The following WDR97 variants were observed in gnomAD, a reference collection of about 807,000 sequenced individuals.
WDR97 encodes the protein WD repeat domain 97.
Under a neutral mutation model 65.4 loss-of-function variants are expected in WDR97, and 111 were observed. The ratio of observed to expected loss-of-function variants is 1.70; its 90% CI spans 1.45 to 1.99. The LOEUF is 1.99. WDR97 is among the 30% of genes most tolerant of loss of function. WDR97 has a pLI of 0.00. For synonymous variants in WDR97, 802 were observed against 397.7 expected (o/e 2.02, Z -12.10); for missense variants, 1,674 against 865.0 (o/e 1.94, Z -11.73).
At position 144,111,003 on chromosome 8, in the gene WDR97, G is replaced by C; in HGVS notation, c.2304+7G>C. ...TACATCCTACCTAGTTAAGGTGTGTGGTGAGGACAGAGTGAGCAAGGTGGG... is the reference window on the plus strand; with the variant it reads ...TACATCCTACCTAGTTAAGGTGTGTCGTGAGGACAGAGTGAGCAAGGTGGG... On this transcript the variant is annotated splice_region_variant and intron_variant, in intron 9 of 23. Coordinates refer to ENST00000323662, the MANE Select transcript of WDR97 (RefSeq NM_001316309.2). 1.4e-6 allele frequency: 1 copy of C among 702,780 alleles called. No homozygotes were observed. Among genetic ancestry groups the C allele is most frequent in the Non-Finnish European group, 2.6e-6 (1 of 384,972 alleles). 43.5% of individuals were successfully genotyped at this position (702,780 alleles called of 1,614,324 possible).
At position 144,112,541 on chromosome 8, in the gene WDR97, C is replaced by G; in HGVS notation, c.3105+11C>G. The G allele has an allele frequency of 1.4e-6, 1 of 702,660 alleles. No individual in the cohort carries two copies. Among genetic ancestry groups the G allele is most frequent in the Non-Finnish European group, 2.6e-6 (1 of 384,904 alleles). 43.5% of individuals were successfully genotyped at this position (702,660 alleles called of 1,614,324 possible). A position where few individuals can be genotyped will look rare whatever the true frequency, so the allele number is the denominator to read the frequency against. On this transcript the variant is annotated intron_variant, in intron 15 of 23. Coordinates refer to ENST00000323662, the MANE Select transcript of WDR97 (RefSeq NM_001316309.2). ...GTGCAGCCCCACAAGGTGAGACCCC[C>G]TCCCAGCTCCTGGAGAGCCACTCCT...
rs543856054 is a variant in WDR97, at chr8:144,116,560, G to A, written c.*267G>A. ...GCCTAGGGCAGAGGAGACCCATAGC[G>A]GGGTACCATCCGCTGGGCACTGAGC... On this transcript the variant is annotated 3_prime_UTR_variant, in exon 24 of 24. Transcript: ENST00000323662. 1 of 415,830 alleles carries A rather than the reference G, an allele frequency of 2.4e-6. No individual in the cohort carries two copies. Among genetic ancestry groups the A allele is most frequent in the Non-Finnish European group, 4.3e-6 (1 of 234,904 alleles). The allele number at this position is 415,830 out of a possible 1,614,324, so 25.8% of individuals were successfully genotyped here. A position where few individuals can be genotyped will look rare whatever the true frequency, so the allele number is the denominator to read the frequency against.
intron 21 of WDR97, 108 bp from the exon 22 acceptor site, chr8:144,115,233 T>C: frequency 1.8e-6 from 1 of 568,684 alleles, no homozygotes; most frequent in Non-Finnish European, 3.1e-6. Flanking sequence ...TGCTTGGCCA[T>C]GGGTCACCTC....
intron 23 of WDR97, 28 bp downstream of exon 23, chr8:144,116,041 A>AGCCCCCCCCCCCCCCCCCCCCCCC: frequency 1.5e-6 from 1 of 689,610 alleles, no homozygotes; most frequent in Non-Finnish European, 2.6e-6. Flanking sequence ...TGGAGACTGG[A>AGCCCCCCCCCCCCCCCCCCCCCCC]CCCCACCCAC....
rs921469299 is a variant in WDR97 at position 144,108,543 on chromosome 8, G to A, written c.477G>A (p.Pro159=). 6 of 700,852 alleles carry A rather than the reference G, an allele frequency of 8.6e-6. No homozygotes were observed. Among genetic ancestry groups the A allele is most frequent in the East Asian group, 8.0e-5 (3 of 37,280 alleles). 43.4% of individuals were successfully genotyped at this position (700,852 alleles called of 1,614,324 possible). The part of the protein sequence containing the change: ...RLTGLVTVLG[P]LGAVGRFVGW... ...CGGGGCTGGTGACCGTGCTGGGCCCGCTGGGTGCCGTGGGCCGTTTTGTAG... is the reference window on the plus strand; with the variant it reads ...CGGGGCTGGTGACCGTGCTGGGCCCACTGGGTGCCGTGGGCCGTTTTGTAG... The change falls in exon 3 of 24, where the codon CCG becomes CCA. Residue 159 remains proline, a synonymous_variant. Coordinates refer to ENST00000323662, the MANE Select transcript of WDR97 (RefSeq NM_001316309.2).
At position 144,108,246 on chromosome 8, in the gene WDR97, T is replaced by C; in HGVS notation, c.249+51T>C. 4.3e-6 allele frequency: 3 copies of C among 695,370 alleles called. No homozygotes were observed. The South Asian group carries it at 4.5e-5, about 10-fold the overall frequency. The allele number at this position is 695,370 out of a possible 1,614,324, so 43.1% of individuals were successfully genotyped here. A position where few individuals can be genotyped will look rare whatever the true frequency, so the allele number is the denominator to read the frequency against. ...CTGGCCTCTTTCCGGATCTGGGCCTTCCCTTAGGGGTCCCCTAGGCCGGAG... is the reference window on the plus strand; with the variant it reads ...CTGGCCTCTTTCCGGATCTGGGCCTCCCCTTAGGGGTCCCCTAGGCCGGAG... On this transcript the variant is annotated intron_variant, in intron 2 of 23. Transcript: ENST00000323662.
intron 1 of WDR97, 23 bp from the exon 2 acceptor site, chr8:144,108,036 G>C: frequency 1.4e-6 from 1 of 702,700 alleles, no homozygotes. Context: ...GTAGGTGGCA[G>C]AACTTCCAGT....
chr8:144,109,350 T>G lies in WDR97; in HGVS notation c.1016T>G (p.Met339Arg). ...CCTCCCACAGGCCCGGTGACGGCTATGACTGTGCTCCCGAACACGACCCTG... is the reference window on the plus strand; with the variant it reads ...CCTCCCACAGGCCCGGTGACGGCTAGGACTGTGCTCCCGAACACGACCCTG... ...FVGHTGPVTA[M>R]TVLPNTTLVL... is the part of the protein sequence containing the mutation. Residue 339 changes from methionine (M) to arginine (R), a missense_variant, in exon 5 of 24, where the codon ATG (methionine) becomes AGG (arginine). Transcript: ENST00000323662. The G allele has an allele frequency of 1.4e-6, 1 of 702,588 alleles. No homozygotes were observed. Among genetic ancestry groups the G allele is most frequent in the Non-Finnish European group, 2.6e-6 (1 of 384,856 alleles). The allele number at this position is 702,588 out of a possible 1,614,324, so 43.5% of individuals were successfully genotyped here. A position where few individuals can be genotyped will look rare whatever the true frequency, so the allele number is the denominator to read the frequency against.
chr8:144,107,808 T>C lies in WDR97; in HGVS notation c.58T>C (p.Tyr20His). ...CAACCTAGTTCTGGACTCGGACCTG[T>C]ATGATGCGGATGGCTATGATGTCCC... is the stretch of plus-strand genomic sequence containing the variant. ...GYNLVLDSDLYDADGYDVPDP... is the reference protein window; with the variant it reads ...GYNLVLDSDLHDADGYDVPDP... Residue 20 changes from tyrosine (Y) to histidine (H), a missense_variant, in exon 1 of 24, where the codon TAT becomes CAT. Tyr to His is a moderately conservative substitution (Grantham distance 83). Transcript: ENST00000323662. The C allele has an allele frequency of 1.4e-6, 1 of 702,852 alleles. No homozygotes were observed. The highest frequency in any genetic ancestry group is 2.3e-4 in the Middle Eastern group (1 of 4,370). The allele number at this position is 702,852 out of a possible 1,614,324, so 43.5% of individuals were successfully genotyped here. A position where few individuals can be genotyped will look rare whatever the true frequency, so the allele number is the denominator to read the frequency against.
At chr8:144,115,231 C>T in intron 21 of WDR97, 110 bp from the exon 22 acceptor site, 1 of 568,706 alleles carries the variant, frequency 1.8e-6, no homozygotes. Flanking sequence ...GGTGCTTGGC[C>T]ATGGGTCACC....
chr8:144,111,904 G>A lies in WDR97; in HGVS notation c.2655G>A (p.Arg885=). ...CCTCCCAGGGCATGCAGTCTGGAAG[G>A]GGGTCCCAGCAGTGGAGTGCCGGGA... ...GSGLLGMQSG[R]GSQQWSAGTL... is the part of the protein sequence containing the mutation. The change falls in exon 13 of 24, where the codon AGG becomes AGA. Residue 885 remains arginine (R), a synonymous_variant. Coordinates refer to ENST00000323662, the MANE Select transcript of WDR97 (RefSeq NM_001316309.2). 1 of 702,476 alleles carries A rather than the reference G, an allele frequency of 1.4e-6. No individual in the cohort carries two copies. Among genetic ancestry groups the A allele is most frequent in the Non-Finnish European group, 2.6e-6 (1 of 384,884 alleles). 43.5% of individuals were successfully genotyped at this position (702,476 alleles called of 1,614,324 possible). A position where few individuals can be genotyped will look rare whatever the true frequency, so the allele number is the denominator to read the frequency against.
rs1456543402 is a variant in WDR97 at position 144,111,186 on chromosome 8, A to C, written c.2390A>C (p.Gln797Pro). The C allele has an allele frequency of 2.8e-6, 2 of 702,590 alleles. No individual in the cohort carries two copies. Among genetic ancestry groups the C allele is most frequent in the South Asian group, 3.0e-5 (2 of 67,596 alleles). 43.5% of individuals were successfully genotyped at this position (702,590 alleles called of 1,614,324 possible). A position where few individuals can be genotyped will look rare whatever the true frequency, so the allele number is the denominator to read the frequency against. Residue 797 changes from glutamine (Q) to proline (P), a missense_variant, in exon 10 of 24, where the codon CAG (glutamine) becomes CCG (proline). Transcript: ENST00000323662. ...SQESLTSAQL[Q>P]RLTNLHGAAS... ...GAGTCACTGACTTCCGCCCAACTGC[A>C]GAGGCTCACCAACCTCCATGGGGCA...
rs1353321856 is a variant in WDR97 at position 144,115,532 on chromosome 8, ACCC to A, written c.4270_4272del (p.Pro1424del). ...AGCTCCAGGCCCAGCGGATGCTGGC[ACCC>A]AAGCGCAGCTGGGGGACCCCTCAGC... is the stretch of plus-strand genomic sequence containing the variant. On this transcript the variant is annotated inframe_deletion, in exon 22 of 24. Transcript: ENST00000323662. 1.4e-6 allele frequency: 1 copy of A among 697,204 alleles called. No individual in the cohort carries two copies. 43.2% of individuals were successfully genotyped at this position (697,204 alleles called of 1,614,324 possible).
chr8:144,115,518 C>T lies in WDR97; in HGVS notation c.4255C>T (p.Gln1419Ter). 2 of 697,314 alleles carry T rather than the reference C, an allele frequency of 2.9e-6. No individual in the cohort carries two copies. Among genetic ancestry groups the T allele is most frequent in the South Asian group, 1.5e-5 (1 of 67,284 alleles). 43.2% of individuals were successfully genotyped at this position (697,314 alleles called of 1,614,324 possible). Residue 1419 changes from glutamine to a stop codon, truncating the protein, a stop_gained, in exon 22 of 24, where the codon CAG becomes TAG. Coordinates refer to ENST00000323662, the MANE Select transcript of WDR97 (RefSeq NM_001316309.2). LOFTEE classifies it high-confidence loss of function. Reference protein sequence around the residue: ...PHSLAPELQAQRMLAPKRSWG... With the variant: ...PHSLAPELQA ...CTCTTTAGCCCCGGAGCTCCAGGCCCAGCGGATGCTGGCACCCAAGCGCAG... is the reference window on the plus strand; with the variant it reads ...CTCTTTAGCCCCGGAGCTCCAGGCCTAGCGGATGCTGGCACCCAAGCGCAG...
In WDR97 at chr8:144,112,494, CAG is replaced by C; in HGVS notation, c.3070_3071del (p.Arg1024GlyfsTer146). ...GGGACAAGGAACCTCTCTCTAGCCT[CAG>C]GGGCTTCTTTCCTGCCACCGTGCAG... is the stretch of plus-strand genomic sequence containing the variant. ...RWDKEPLSSL[R>X]GFFPATVQPH... is the part of the protein sequence containing the mutation. On this transcript the variant is annotated frameshift_variant, in exon 15 of 24. Transcript: ENST00000323662. LOFTEE classifies it high-confidence loss of function. 1.4e-6 allele frequency: 1 copy of C among 702,676 alleles called. No individual in the cohort carries two copies. Among genetic ancestry groups the C allele is most frequent in the Non-Finnish European group, 2.6e-6 (1 of 384,922 alleles). 43.5% of individuals were successfully genotyped at this position (702,676 alleles called of 1,614,324 possible).
At position 144,116,604 on chromosome 8, in the gene WDR97, T is replaced by G; in HGVS notation, c.*311T>G. ...ACTGAGCAAACGTTTTCTGCTCAAG[T>G]ACTAGGTGTTGAGATGCGGGCTGAC... On this transcript the variant is annotated 3_prime_UTR_variant, in exon 24 of 24. Transcript: ENST00000323662. 1 of 282,376 alleles carries G rather than the reference T, an allele frequency of 3.5e-6. No homozygotes were observed. The highest frequency in any genetic ancestry group is 6.6e-6 in the Non-Finnish European group (1 of 152,254). The allele number at this position is 282,376 out of a possible 1,614,324, so 17.5% of individuals were successfully genotyped here. A position where few individuals can be genotyped will look rare whatever the true frequency, so the allele number is the denominator to read the frequency against.
In WDR97 at chr8:144,109,710, C is replaced by A. The variant is rs1428888459; in HGVS notation, c.1376C>A (p.Ser459Ter). ...ACADGSVYLL[S>*]AATGRIVSSL... ...GCCGACGGCTCGGTCTACCTCCTGT[C>A]GGCGGCCACCGGGCGCATAGTGAGC... The change falls in exon 5 of 24, where the codon TCG becomes TAG. Residue 459 changes from serine (S) to a stop codon, truncating the protein, a stop_gained. Coordinates refer to ENST00000323662, the MANE Select transcript of WDR97 (RefSeq NM_001316309.2). LOFTEE classifies it high-confidence loss of function. 4.4e-6 allele frequency: 3 copies of A among 678,956 alleles called. No individual in the cohort carries two copies. Among genetic ancestry groups the A allele is most frequent in the Non-Finnish European group, 8.0e-6 (3 of 375,324 alleles). 42.1% of individuals were successfully genotyped at this position (678,956 alleles called of 1,614,324 possible). A position where few individuals can be genotyped will look rare whatever the true frequency, so the allele number is the denominator to read the frequency against.
rs1836478624 is a variant in WDR97 at position 144,108,891 on chromosome 8, C to T, written c.825C>T (p.Thr275=). The change falls in exon 3 of 24, where the codon ACC becomes ACT. Residue 275 remains threonine, a synonymous_variant. Coordinates refer to ENST00000323662, the MANE Select transcript of WDR97 (RefSeq NM_001316309.2). ...CFAAYGSAVL[T]FDLHAWTLVD... Reference sequence around the variant, plus strand: ...CGGCCTATGGCTCGGCCGTGCTCACCTTCGATCTGCATGCCTGGACTCTCG... The same window carrying T: ...CGGCCTATGGCTCGGCCGTGCTCACTTTCGATCTGCATGCCTGGACTCTCG... The T allele has an allele frequency of 2.8e-6, 2 of 702,960 alleles. No homozygotes were observed. Among genetic ancestry groups the T allele is most frequent in the East Asian group, 5.4e-5 (2 of 37,286 alleles). The allele number at this position is 702,960 out of a possible 1,614,324, so 43.5% of individuals were successfully genotyped here. A position where few individuals can be genotyped will look rare whatever the true frequency, so the allele number is the denominator to read the frequency against.
chr8:144,113,742 G>A lies in WDR97; in HGVS notation c.3269G>A (p.Gly1090Glu), dbSNP rs1299748477. ...CAGAGGAAGCTGCTCCAATGGATGG[G>A]GGAGAAGCCTGGGGAGGAGGGGGAG... ...QWQRKLLQWM[G>E]EKPGEEGEED... The change falls in exon 17 of 24, where the codon GGG becomes GAG. Residue 1090 changes from glycine to glutamate, a missense_variant. Transcript: ENST00000323662. The A allele has an allele frequency of 1.4e-6, 1 of 700,400 alleles. No homozygotes were observed. Among genetic ancestry groups the A allele is most frequent in the African/African-American group, 1.7e-5 (1 of 57,246 alleles). The allele number at this position is 700,400 out of a possible 1,614,324, so 43.4% of individuals were successfully genotyped here.
Sources: gnomAD v4.1 joint callset for allele counts on GRCh38, gnomAD v4.1.1 for gene constraint, MANE v1.5 for transcripts, NCBI Gene and HGNC (gene_info 2026-07-23, HGNC 2026-07-21) for gene names.